The following ASCC3 variants were observed in gnomAD, a reference collection of about 807,000 sequenced individuals.
ASCC3 encodes the protein ASC-1 complex subunit P200.
ASCC3 carries 158 observed loss-of-function variants against 256.3 expected under a neutral mutation model. The observed-to-expected ratio is 0.62, with a 90% CI of 0.54 to 0.70. The LOEUF is 0.70. Among genes scored for constraint, ASCC3 ranks in the 30% least tolerant of loss-of-function variants. The pLI is 0.00. For missense variants in ASCC3, 2,259 were observed against 2,626.0 expected, an observed-to-expected ratio of 0.86 and a Z score of 3.05; for synonymous variants, 948 against 883.4, an observed-to-expected ratio of 1.07 and a Z score of -1.30.
At chr6:100,708,344 T>A (rs1195282514) in intron 13 of ASCC3, among the ~76,000 whole-genome samples, 1 of 152,158 alleles carries the variant, frequency 6.6e-6, no homozygotes, top group African/African-American at 2.4e-5. Flanking sequence ...CATTAGAAAT[T>A]TTAGGATGTT....
intron 4 of ASCC3, among the ~76,000 whole-genome samples, chr6:100,820,105 A>G (rs1326599988): frequency 6.6e-6 from 1 of 152,196 alleles, no homozygotes; most frequent in Admixed American, 6.5e-5. Context: ...TCCAATTCCT[A>G]TCAAAATCCC....
At chr6:100,652,645 T>C (rs1262432619) in intron 18 of ASCC3, 80 bp downstream of exon 18, 8 of 1,388,856 alleles carry the variant, frequency 5.8e-6, no homozygotes, top group Non-Finnish European at 8.0e-6. Context: ...TTTGCTTTCA[T>C]TATTTTACAT....
intron 20 of ASCC3, among the ~76,000 whole-genome samples, chr6:100,647,678 C>T (rs1775450997): frequency 6.6e-6 from 1 of 152,014 alleles, no homozygotes; most frequent in Admixed American, 6.6e-5. Flanking sequence ...AGAGGGGAAG[C>T]CTTATTTCCA....
rs374498415 is a variant in ASCC3, at chr6:100,696,938, G to A, written c.2152-17186C>T. 1.6e-4 allele frequency among the ~76,000 whole-genome samples: 24 copies of A among 152,100 alleles called. No individual in the cohort carries two copies. The South Asian group carries it at 4.8e-3, about 30-fold the overall frequency. ...TATATGCACACTGTAATATGATATT[G>A]TAATCATGAAATCACACAAATAAAT... is the stretch of plus-strand genomic sequence containing the variant. On this transcript the variant is annotated intron_variant, in intron 13 of 41. Transcript: ENST00000369162.
chr6:100,701,101 G>C (rs1489409144), intron 13 of ASCC3, among the ~76,000 whole-genome samples: 2 of 152,160 alleles, frequency 1.3e-5, no homozygotes, highest in African/African-American at 2.4e-5. Context: ...AACCCGGTTG[G>C]AGGTACTTGC....
chr6:100,612,033 C>G (rs1408780605), intron 30 of ASCC3, among the ~76,000 whole-genome samples: 1 of 151,870 alleles, frequency 6.6e-6, no homozygotes, highest in African/African-American at 2.4e-5. Context: ...CAATATTATA[C>G]GTAACAGAAA....
At chr6:100,805,957 AAC>A in intron 4 of ASCC3, 77 bp from the exon 5 acceptor site, 2 of 1,436,476 alleles carry the variant, frequency 1.4e-6, no homozygotes, top group Admixed American at 3.6e-5. Flanking sequence ...CAACCTATTC[AAC>A]AGAGGTGTAA....
At chr6:100,767,727 G>A (rs1012510240) in intron 8 of ASCC3, among the ~76,000 whole-genome samples, 8 of 151,462 alleles carry the variant, frequency 5.3e-5, no homozygotes, top group African/African-American at 7.3e-5. Context: ...TCCTGCCTCA[G>A]CCTCCCGAGT....
intron 16 of ASCC3, among the ~76,000 whole-genome samples, chr6:100,661,432 AAG>A (rs1257726856): frequency 6.6e-6 from 1 of 151,716 alleles, no homozygotes; most frequent in African/African-American, 2.4e-5. Flanking sequence ...ATAGAGCTAA[AAG>A]AGTTTTATAA....
intron 30 of ASCC3, among the ~76,000 whole-genome samples, chr6:100,619,337 A>G (rs76331292): frequency 0.015 from 2,344 of 152,300 alleles, 23 homozygotes; most frequent in East Asian, 0.044. Flanking sequence ...ATGAACAAAC[A>G]AAATGTGGTC....
At chr6:100,790,020 G>T (rs1769279255) in intron 8 of ASCC3, among the ~76,000 whole-genome samples, 1 of 151,906 alleles carries the variant, frequency 6.6e-6, no homozygotes, top group South Asian at 2.1e-4. Flanking sequence ...TGCTGTCAGG[G>T]TTGACGTGAT....
Position 100,650,720 on chromosome 6 carries a change from A to G in ASCC3, c.3076-6T>C. On this transcript the variant is annotated splice_region_variant and splice_polypyrimidine_tract_variant and intron_variant, in intron 19 of 41. Transcript: ENST00000369162. ...TCTATTTCCTCTTCTCTGACCTAGA[A>G]GAATCAATGTATTTATTGGAATTTT... is the stretch of plus-strand genomic sequence containing the variant. The G allele has an allele frequency of 6.2e-7, 1 of 1,605,560 alleles. No individual in the cohort carries two copies. Among genetic ancestry groups the G allele is most frequent in the Non-Finnish European group, 8.5e-7 (1 of 1,173,476 alleles).
Position 100,800,942 on chromosome 6 carries a change from C to T in ASCC3, c.923-438G>A, listed in dbSNP as rs960477343. Among the ~76,000 whole-genome samples, 7 of 151,800 alleles carry T rather than the reference C, an allele frequency of 4.6e-5. No individual in the cohort carries two copies. In the South Asian group the frequency reaches 6.2e-4, roughly 13 times the overall value. ...TTTTTACTATGTAATAGACCTTATG[C>T]GGTTAAGTTGCACATATGTTACTAC... is the stretch of plus-strand genomic sequence containing the variant. On this transcript the variant is annotated intron_variant, in intron 5 of 41. Coordinates refer to ENST00000369162, the MANE Select transcript of ASCC3 (RefSeq NM_006828.4).
chr6:100,723,873 TATATATATATATATATATATA>T (rs1779467821), intron 11 of ASCC3, among the ~76,000 whole-genome samples: 1 of 79,480 alleles, frequency 1.3e-5, no homozygotes, highest in African/African-American at 5.9e-5. Context: ...TATATATATA[TATATATATATATATATATATA>T]TATTTATAAT....
intron 4 of ASCC3, among the ~76,000 whole-genome samples, chr6:100,830,704 G>A (rs566662241): frequency 3.9e-5 from 6 of 152,280 alleles, no homozygotes; most frequent in Non-Finnish European, 2.9e-5. Context: ...CTACTTAAGG[G>A]ATTGCAAGAC....
intron 13 of ASCC3, among the ~76,000 whole-genome samples, chr6:100,692,539 A>G (rs925486074): frequency 2.0e-5 from 3 of 152,058 alleles, no homozygotes; most frequent in African/African-American, 7.2e-5. Flanking sequence ...CACCCACACT[A>G]TTGAAAATTT....
At chr6:100,666,107 T>C (rs1200845621) in intron 14 of ASCC3, among the ~76,000 whole-genome samples, 1 of 152,194 alleles carries the variant, frequency 6.6e-6, no homozygotes, top group Non-Finnish European at 1.5e-5. Flanking sequence ...CCCAGATTAA[T>C]GGCTTTGAGA....
chr6:100,845,053 T>A (rs1772324092), intron 4 of ASCC3, among the ~76,000 whole-genome samples: 2 of 152,162 alleles, frequency 1.3e-5, no homozygotes. Context: ...AAAGAAATTG[T>A]GAATTAAGAG....
chr6:100,603,160 T>A (rs117296907), intron 33 of ASCC3, among the ~76,000 whole-genome samples: 1 of 151,940 alleles, frequency 6.6e-6, no homozygotes, highest in Admixed American at 6.6e-5. Flanking sequence ...TAGGTGCACA[T>A]TAATAGAGAA....
Sources: allele counts gnomAD v4.1 joint callset (sites outside exome capture counted in the v4.1 genomes callset), GRCh38; gene constraint gnomAD v4.1.1; transcripts MANE v1.5; gene names NCBI Gene and HGNC (gene_info 2026-07-23, HGNC 2026-07-21).